The following SLC25A48 variants were observed in gnomAD, a reference collection of about 807,000 sequenced individuals.
SLC25A48 encodes CTC-321K16.1.
In SLC25A48, 29 loss-of-function variants were observed where a neutral mutation model predicts 32.2. That is an observed-to-expected ratio of 0.90 (90% confidence interval 0.67 to 1.23). The LOEUF is 1.23. Ranked by LOEUF, SLC25A48 falls within the 50% of genes most tolerant of loss-of-function variation. SLC25A48 has a pLI of 0.00. For missense variants in SLC25A48, 399 were observed against 422.7 expected (o/e 0.94, Z 0.49); for synonymous variants, 164 against 172.3 (o/e 0.95, Z 0.38).
chr5:135,596,754 C>T (rs544701572), intron 1 of SLC25A48, among the ~76,000 whole-genome samples: 24 of 152,228 alleles, frequency 1.6e-4, no homozygotes, highest in Non-Finnish European at 2.6e-4. Context: ...AGCTTCATGC[C>T]CCACTTTTCA....
At chr5:135,608,981 T>C (rs1490437765) in intron 1 of SLC25A48, among the ~76,000 whole-genome samples, 7 of 152,222 alleles carry the variant, frequency 4.6e-5, no homozygotes, top group African/African-American at 1.7e-4. Context: ...TGGGCTCCTA[T>C]TTGGAAACAA....
intron 3 of SLC25A48, chr5:135,649,493 A>C (rs1377331065): frequency 6.6e-6 from 1 of 152,478 alleles, no homozygotes; most frequent in African/African-American, 2.4e-5. Flanking sequence ...CAGTTGAAGA[A>C]GGGGTAACAA....
At chr5:135,651,429 C>T (rs1753110221) in intron 3 of SLC25A48, among the ~76,000 whole-genome samples, 1 of 152,254 alleles carries the variant, frequency 6.6e-6, no homozygotes, top group Middle Eastern at 3.4e-3. Context: ...GGACACCTTC[C>T]CCTGACACCT....
intron 3 of SLC25A48, among the ~76,000 whole-genome samples, chr5:135,797,260 C>T (rs1757207999): frequency 1.3e-5 from 2 of 151,834 alleles, no homozygotes; most frequent in African/African-American, 2.4e-5. Flanking sequence ...ATATTACTCC[C>T]AATATCACAG....
chr5:135,757,512 C>G (rs1755945323), intron 3 of SLC25A48, among the ~76,000 whole-genome samples: 1 of 149,032 alleles, frequency 6.7e-6, no homozygotes, highest in East Asian at 2.1e-4. Flanking sequence ...ATAATGTCTA[C>G]TGTTAACACA....
In SLC25A48 at chr5:135,846,259, T is replaced by G. The variant is rs532846271; in HGVS notation, c.90+3800T>G. 3.3e-5 allele frequency among the ~76,000 whole-genome samples: 5 copies of G among 152,316 alleles called. 1 individual carries two copies. Among genetic ancestry groups the G allele is most frequent in the Admixed American group, 3.3e-4 (5 of 15,306 alleles). On this transcript the variant is annotated intron_variant, in intron 2 of 7. Transcript: ENST00000681962. ...GAAAAATTGTCTTCCACAAAACTGG[T>G]TCCTGGCGCCAAAAATGTTGGGGAT...
At chr5:135,686,020 C>T (rs1325347518) in intron 3 of SLC25A48, among the ~76,000 whole-genome samples, 1 of 152,194 alleles carries the variant, frequency 6.6e-6, no homozygotes, top group Non-Finnish European at 1.5e-5. Flanking sequence ...CATTCTGTGA[C>T]TTGGTTCATA....
At chr5:135,778,756 T>C (rs368988790) in intron 3 of SLC25A48, among the ~76,000 whole-genome samples, 1 of 18,968 alleles carries the variant, frequency 5.3e-5, no homozygotes, top group Non-Finnish European at 1.3e-4. Flanking sequence ...CTGCAGGGGA[T>C]GTGCACCCCT....
intron 3 of SLC25A48, among the ~76,000 whole-genome samples, chr5:135,736,271 T>C (rs935714115): frequency 6.6e-6 from 1 of 152,192 alleles, no homozygotes; most frequent in African/African-American, 2.4e-5. Context: ...TTGCCCATTT[T>C]TCGACAAAAA....
chr5:135,595,526 C>T (rs536035788), intron 1 of SLC25A48, among the ~76,000 whole-genome samples: 1 of 152,332 alleles, frequency 6.6e-6, no homozygotes, highest in Admixed American at 6.5e-5. Flanking sequence ...TCGTGTCTGT[C>T]ACCTTGAAAA....
chr5:135,734,246 G>C (rs1755298240), intron 3 of SLC25A48, among the ~76,000 whole-genome samples: 1 of 152,148 alleles, frequency 6.6e-6, no homozygotes, highest in Admixed American at 6.5e-5. Flanking sequence ...AAGATGCAAA[G>C]GAGGCTTTGG....
At chr5:135,880,131 C>T (rs767537748) in intron 7 of SLC25A48, 34 bp downstream of exon 7, 140 of 1,503,708 alleles carry the variant, frequency 9.3e-5, no homozygotes, top group Non-Finnish European at 1.2e-4. Context: ...AATTGTGCCT[C>T]CCAGGAACTT....
intron 1 of SLC25A48, among the ~76,000 whole-genome samples, chr5:135,583,572 A>G (rs550902878): frequency 6.6e-6 from 1 of 151,892 alleles, no homozygotes; most frequent in Admixed American, 6.6e-5. Flanking sequence ...TTCATTGTAC[A>G]TATGAGGAAA....
At chr5:135,665,283 T>G (rs1208568418) in intron 3 of SLC25A48, among the ~76,000 whole-genome samples, 1 of 152,196 alleles carries the variant, frequency 6.6e-6, no homozygotes, top group East Asian at 1.9e-4. Context: ...TTGTTGTTTT[T>G]TTTCTTGCTG....
At chr5:135,819,152 C>G (rs1214959621) in intron 4 of SLC25A48, among the ~76,000 whole-genome samples, 1 of 149,886 alleles carries the variant, frequency 6.7e-6, no homozygotes, top group East Asian at 2.0e-4. Flanking sequence ...AAGAAATAGG[C>G]TAAAAAAAAA....
chr5:135,844,447 T>C (rs772706907), intron 2 of SLC25A48, among the ~76,000 whole-genome samples: 1 of 152,196 alleles, frequency 6.6e-6, no homozygotes, highest in Non-Finnish European at 1.5e-5. Context: ...AACAAACCAG[T>C]TCACAAGAAT....
At chr5:135,643,129 T>C (rs1752879306) in intron 3 of SLC25A48, among the ~76,000 whole-genome samples, 1 of 152,226 alleles carries the variant, frequency 6.6e-6, no homozygotes, top group Admixed American at 6.5e-5. Context: ...TCACCCGGAC[T>C]GCGACACATC....
At chr5:135,728,895 C>A (rs1368766803) in intron 3 of SLC25A48, among the ~76,000 whole-genome samples, 1 of 149,790 alleles carries the variant, frequency 6.7e-6, no homozygotes, top group Non-Finnish European at 1.5e-5. Context: ...TACACACACA[C>A]CCCAAGGCTT....
intron 3 of SLC25A48, among the ~76,000 whole-genome samples, chr5:135,726,332 A>G (rs1376926557): frequency 6.6e-6 from 1 of 152,214 alleles, no homozygotes; most frequent in East Asian, 1.9e-4. Flanking sequence ...GTTTCTTCCA[A>G]TGGTAACATC....
Sources: allele counts gnomAD v4.1 joint callset (sites outside exome capture counted in the v4.1 genomes callset), GRCh38; gene constraint gnomAD v4.1.1; transcripts MANE v1.5; gene names NCBI Gene and HGNC (gene_info 2026-07-23, HGNC 2026-07-21).